Variants in DMD observed in about 807,000 individuals in gnomAD.
The protein encoded by DMD is dystrophin.
A neutral mutation model predicts 330.1 loss-of-function variants in DMD; 63 were observed. That is an observed-to-expected ratio of 0.19 (90% CI 0.16 to 0.24). The LOEUF is 0.24. DMD is among the 10% of genes least tolerant of loss of function. The pLI is 1.00. For missense variants in DMD, 3,344 were observed against 2,684.1 expected (o/e 1.25, Z -5.43); for synonymous variants, 1,223 against 959.8 (o/e 1.27, Z -5.07).
intron 12 of DMD, among the ~76,000 whole-genome samples, chrX:32,604,395 T>A (rs1327737258): frequency 9.1e-6 from 1 of 109,940 alleles, no homozygotes; most frequent in East Asian, 2.9e-4. Flanking sequence ...TGAAAGAACA[T>A]ATCTCAAAAT....
chrX:32,587,870 A>G (rs1358491740), intron 13 of DMD, among the ~76,000 whole-genome samples: 9 of 111,648 alleles, frequency 8.1e-5, no homozygotes, highest in African/African-American at 2.9e-4. Context: ...TAGCTTCTCA[A>G]CTACCCTTTT....
chrX:31,990,133 C>T (rs2095540095), intron 44 of DMD, among the ~76,000 whole-genome samples: 1 of 112,567 alleles, frequency 8.9e-6, no homozygotes. Flanking sequence ...TTTTGATAAA[C>T]TAGCGCTTAA....
intron 59 of DMD, among the ~76,000 whole-genome samples, chrX:31,449,046 G>A (rs1387399337): frequency 8.9e-6 from 1 of 111,923 alleles, no homozygotes. Flanking sequence ...TTTGAGGGAG[G>A]AATTTTGACT....
intron 50 of DMD, among the ~76,000 whole-genome samples, chrX:31,811,810 C>G (rs1240837021): frequency 2.7e-5 from 3 of 111,469 alleles, no homozygotes; most frequent in African/African-American, 9.8e-5. Context: ...AAAGGTTCAC[C>G]TGAAGCAGAA....
chrX:32,688,194 T>C (rs2063019933), intron 9 of DMD, among the ~76,000 whole-genome samples: 1 of 110,837 alleles, frequency 9.0e-6, no homozygotes, highest in Non-Finnish European at 1.9e-5. Flanking sequence ...TCCCATAAAA[T>C]GTAATAAACA....
intron 44 of DMD, among the ~76,000 whole-genome samples, chrX:32,033,988 T>C (rs1375001176): frequency 4.5e-5 from 5 of 111,386 alleles, no homozygotes; most frequent in Non-Finnish European, 7.6e-5. Flanking sequence ...CAGGATGGTA[T>C]GAGGAGTGAG....
At chrX:32,998,094 C>T (rs1446584538) in intron 2 of DMD, among the ~76,000 whole-genome samples, 1 of 110,256 alleles carries the variant, frequency 9.1e-6, no homozygotes, top group Non-Finnish European at 1.9e-5. Flanking sequence ...GATGCGGTGG[C>T]TCACACCTGT....
chrX:33,033,700 A>C (rs893610876), intron 1 of DMD, among the ~76,000 whole-genome samples: 26 of 110,273 alleles, frequency 2.4e-4, no homozygotes, highest in African/African-American at 8.6e-4. Flanking sequence ...CCTGGGCGAC[A>C]GAGCGAGACT....
chrX:31,857,108 G>A (rs1187416350), intron 48 of DMD, among the ~76,000 whole-genome samples: 1 of 110,843 alleles, frequency 9.0e-6, no homozygotes, highest in East Asian at 2.8e-4. Flanking sequence ...GCCAGGCATG[G>A]TGGCTCACGC....
At chrX:32,829,321 ATCAGT>A (rs753607045) in intron 4 of DMD, among the ~76,000 whole-genome samples, 1 of 111,834 alleles carries the variant, frequency 8.9e-6, no homozygotes, top group Non-Finnish European at 1.9e-5. Flanking sequence ...TTCTGAAGTA[ATCAGT>A]CTAATTTTCC....
chrX:31,857,398 A>AAAG (rs2093632856), intron 48 of DMD, among the ~76,000 whole-genome samples: 1 of 106,365 alleles, frequency 9.4e-6, no homozygotes, highest in East Asian at 2.9e-4. Flanking sequence ...AAAAAAAAAA[A>AAAG]AAAAAAAAAA....
chrX:31,804,838 CTT>C lies in DMD; in HGVS notation c.7309+15135_7309+15136del, dbSNP rs368248678. On this transcript the variant is annotated intron_variant, in intron 50 of 78. Coordinates refer to ENST00000357033, the MANE Select transcript of DMD (RefSeq NM_004006.3). ...CCTTCAAGTCTCATCTTCAAATTTC[CTT>C]TTTTTTTTTTTTTTCCAGAATTTTT... Among the ~76,000 whole-genome samples the C allele has an allele frequency of 1.0e-4, 10 of 97,233 alleles. No homozygotes were observed. In the East Asian group the frequency reaches 1.6e-3, roughly 16 times the overall value. The allele number at this position is 97,233 out of a possible 115,157, so 84.4% of individuals were successfully genotyped here.
intron 11 of DMD, among the ~76,000 whole-genome samples, chrX:32,631,377 C>G (rs189123625): frequency 1.8e-5 from 2 of 111,756 alleles, no homozygotes; most frequent in African/African-American, 6.5e-5. Flanking sequence ...CTACAATCGG[C>G]AGGTGGCAAA....
chrX:32,982,394 A>G lies in DMD; in HGVS notation c.93+37745T>C, dbSNP rs1387110862. On this transcript the variant is annotated intron_variant, in intron 2 of 78. Transcript: ENST00000357033. ...CTGCAATAGTTTTTATTATATCTGC[A>G]CTATGGATTTTTAAAAAATATGTAA... Among the ~76,000 whole-genome samples, 2 of 111,950 alleles carry G rather than the reference A, an allele frequency of 1.8e-5. 1 individual carries two copies. Among genetic ancestry groups the G allele is most frequent in the Admixed American group, 1.9e-4 (2 of 10,426 alleles).
At chrX:31,237,647 C>A (rs1266119705) in intron 63 of DMD, among the ~76,000 whole-genome samples, 4 of 112,195 alleles carry the variant, frequency 3.6e-5, no homozygotes, top group African/African-American at 1.3e-4. Context: ...TCCTGTTTAC[C>A]CTCTGTGTAT....
chrX:32,760,558 A>G (rs1438045385), intron 7 of DMD, among the ~76,000 whole-genome samples: 1 of 111,726 alleles, frequency 9.0e-6, no homozygotes, highest in Non-Finnish European at 1.9e-5. Flanking sequence ...TTGTTTCCCC[A>G]GTGCCAATCA....
At chrX:33,323,226 C>G (rs1277049079) in intron 1 of DMD, among the ~76,000 whole-genome samples, 1 of 111,802 alleles carries the variant, frequency 8.9e-6, no homozygotes, top group Non-Finnish European at 1.9e-5. Flanking sequence ...TTTGTTACAT[C>G]TAATACTGGT....
chrX:32,727,956 A>T (rs939289869), intron 7 of DMD, among the ~76,000 whole-genome samples: 1 of 111,613 alleles, frequency 9.0e-6, no homozygotes, highest in African/African-American at 3.3e-5. Context: ...GCTTGTCAGG[A>T]AAAAATGAGC....
rs1291516658 is a variant in DMD, at chrX:31,121,426, TTGTGTGTGTGTGTGTA to T, written c.*477_*492del. ...CAAAACAATGCGCTGCCTCAAAGTTTTGTGTGTGTGTGTGTATGTGTGTGTGTGTGTGTTTGTTTTG... is the reference window on the plus strand; with the variant it reads ...CAAAACAATGCGCTGCCTCAAAGTTTTGTGTGTGTGTGTGTGTTTGTTTTG... On this transcript the variant is annotated 3_prime_UTR_variant, in exon 79 of 79. Transcript: ENST00000357033. The T allele has an allele frequency of 1.3e-3, 133 of 103,095 alleles. 1 individual carries two copies. The highest frequency in any genetic ancestry group is 4.7e-3 in the African/African-American group (104 of 22,070). 8.5% of individuals were successfully genotyped at this position (103,095 alleles called of 1,213,427 possible).
Sources: gnomAD v4.1 joint callset for allele counts (sites outside exome capture counted in the v4.1 genomes callset) on GRCh38, gnomAD v4.1.1 for gene constraint, MANE v1.5 for transcripts, NCBI Gene and HGNC (gene_info 2026-07-23, HGNC 2026-07-21) for gene names.